Variants in PARD3B observed in about 807,000 individuals in gnomAD.
The protein encoded by PARD3B is partitioning defective 3 homolog B.
In PARD3B, 103 loss-of-function variants were observed where a neutral mutation model predicts 130.2. The ratio of observed to expected loss-of-function variants is 0.79; its 90% CI spans 0.67 to 0.93. PARD3B has a LOEUF of 0.93. PARD3B is among the 40% of genes least tolerant of loss of function. The probability of loss-of-function intolerance (pLI) is 0.00; values close to 1 mark genes in which losing one functional copy is unlikely to be tolerated. For missense variants in PARD3B, 1,609 were observed against 1,499.2 expected (o/e 1.07, Z -1.21); for synonymous variants, 583 against 553.2 (o/e 1.05, Z -0.76).
At chr2:204,707,512 T>C (rs989505073) in intron 2 of PARD3B, among the ~76,000 whole-genome samples, 8 of 152,212 alleles carry the variant, frequency 5.3e-5, no homozygotes, top group Admixed American at 1.3e-4. Context: ...GCAGTGTGCC[T>C]AGATATATCT....
intron 2 of PARD3B, among the ~76,000 whole-genome samples, chr2:204,697,210 C>T (rs893557792): frequency 5.3e-5 from 8 of 152,026 alleles, no homozygotes; most frequent in Admixed American, 4.6e-4. Flanking sequence ...GGTAAAATGA[C>T]GTGTTCTAAA....
chr2:205,062,890 G>C (rs1700142297), intron 4 of PARD3B, among the ~76,000 whole-genome samples: 1 of 152,044 alleles, frequency 6.6e-6, no homozygotes, highest in African/African-American at 2.4e-5. Context: ...AGGTCTCTGA[G>C]AGTATTATGA....
intron 4 of PARD3B, among the ~76,000 whole-genome samples, chr2:205,084,358 A>G (rs1701616504): frequency 6.6e-6 from 1 of 151,968 alleles, no homozygotes. Flanking sequence ...GCTTGATTGG[A>G]TTCAGGATAA....
Position 204,588,670 on chromosome 2 carries a change from C to T in PARD3B, c.120+42551C>T, listed in dbSNP as rs532975106. Among the ~76,000 whole-genome samples the T allele has an allele frequency of 1.3e-3, 192 of 152,288 alleles. 2 individuals are homozygous for T. Among genetic ancestry groups the T allele is most frequent in the African/African-American group, 4.0e-3 (165 of 41,576 alleles). ...TTCTTTTAATGTTTGGAATACTGCA[C>T]TTAATGGAGATTCCCATGTTTACTT... On this transcript the variant is annotated intron_variant, in intron 1 of 22. Coordinates refer to ENST00000406610, the MANE Select transcript of PARD3B (RefSeq NM_001302769.2).
chr2:205,353,077 A>G (rs774854355), intron 18 of PARD3B, among the ~76,000 whole-genome samples: 2 of 152,212 alleles, frequency 1.3e-5, no homozygotes, highest in Admixed American at 1.3e-4. Flanking sequence ...GAATTTATCT[A>G]CAGATGTCTT....
At chr2:205,517,293 G>A (rs2050831405) in intron 21 of PARD3B, among the ~76,000 whole-genome samples, 1 of 151,740 alleles carries the variant, frequency 6.6e-6, no homozygotes, top group African/African-American at 2.4e-5. Context: ...GAGGTGGGGA[G>A]GAGTTTCTCT....
chr2:205,532,560 T>C lies in PARD3B; in HGVS notation c.3181-20764T>C, dbSNP rs966071102. Reference sequence around the variant, plus strand: ...CCACACCTTACATAGGGCAGTTGTCTAAATTAATAGTGCAACATTTGGCTA... The same window carrying C: ...CCACACCTTACATAGGGCAGTTGTCCAAATTAATAGTGCAACATTTGGCTA... On this transcript the variant is annotated intron_variant, in intron 21 of 22. Coordinates refer to ENST00000406610, the MANE Select transcript of PARD3B (RefSeq NM_001302769.2). Among the ~76,000 whole-genome samples the C allele has an allele frequency of 3.3e-5, 5 of 152,214 alleles. No individual in the cohort carries two copies. In the East Asian group the frequency reaches 9.6e-4, roughly 29 times the overall value.
At chr2:204,627,985 G>A (rs1031147254) in intron 1 of PARD3B, among the ~76,000 whole-genome samples, 1 of 143,386 alleles carries the variant, frequency 7.0e-6, no homozygotes, top group African/African-American at 2.6e-5. Context: ...GTTTTTTTGC[G>A]TTTTTTTTTT....
chr2:204,809,854 T>C (rs1345784550), intron 2 of PARD3B, among the ~76,000 whole-genome samples: 2 of 152,160 alleles, frequency 1.3e-5, no homozygotes, highest in African/African-American at 2.4e-5. Context: ...TTTAATGATA[T>C]TGATTCTTTC....
chr2:205,257,328 AG>A (rs1342305042), intron 16 of PARD3B, among the ~76,000 whole-genome samples: 2 of 141,518 alleles, frequency 1.4e-5, no homozygotes, highest in Admixed American at 6.9e-5. Context: ...TTAGCCAATC[AG>A]TTTTTTTTTT....
chr2:204,608,617 G>T (rs1311301817), intron 1 of PARD3B, among the ~76,000 whole-genome samples: 1 of 152,170 alleles, frequency 6.6e-6, no homozygotes, highest in Non-Finnish European at 1.5e-5. Flanking sequence ...GGTTGGCTCA[G>T]TAGATTTTTG....
chr2:204,651,981 A>G (rs2035494218), intron 1 of PARD3B, among the ~76,000 whole-genome samples: 1 of 152,212 alleles, frequency 6.6e-6, no homozygotes, highest in South Asian at 2.1e-4. Context: ...GTCCCAAGGC[A>G]GCACAGAACA....
At chr2:204,686,119 T>A in intron 1 of PARD3B, 62 bp from the exon 2 acceptor site, 1 of 1,167,906 alleles carries the variant, frequency 8.6e-7, no homozygotes, top group Non-Finnish European at 1.3e-6. Context: ...CTCTTAACAT[T>A]AAAATGTGTT....
In PARD3B at chr2:204,606,915, G is replaced by A. The variant is rs1353272838; in HGVS notation, c.120+60796G>A. On this transcript the variant is annotated intron_variant, in intron 1 of 22. Transcript: ENST00000406610. The surrounding 1 kb of genome is among the most constrained non-coding windows in gnomAD (Gnocchi z 4.0). Reference sequence around the variant, plus strand: ...AAATATTAAAGCCTTGAACAATCCCGTATCTTTTTCATATATTTACCTTTA... The same window carrying A: ...AAATATTAAAGCCTTGAACAATCCCATATCTTTTTCATATATTTACCTTTA... Among the ~76,000 whole-genome samples the A allele has an allele frequency of 2.0e-5, 3 of 152,030 alleles. No individual in the cohort carries two copies. The highest frequency in any genetic ancestry group is 4.8e-5 in the African/African-American group (2 of 41,400).
intron 22 of PARD3B, among the ~76,000 whole-genome samples, chr2:205,594,708 G>A (rs1212653364): frequency 1.3e-5 from 2 of 152,158 alleles, no homozygotes; most frequent in African/African-American, 2.4e-5. Flanking sequence ...TCAGCAACTG[G>A]CTGAAAATTT....
At chr2:204,583,504 T>C (rs1400728091) in intron 1 of PARD3B, among the ~76,000 whole-genome samples, 7 of 110,936 alleles carry the variant, frequency 6.3e-5, no homozygotes, top group African/African-American at 2.0e-4. Flanking sequence ...AGGGGTAGCA[T>C]TGGGAGATAT....
chr2:204,910,954 ATCT>A (rs1284517755), intron 2 of PARD3B, among the ~76,000 whole-genome samples: 1 of 152,138 alleles, frequency 6.6e-6, no homozygotes, highest in African/African-American at 2.4e-5. Context: ...GATTAATATA[ATCT>A]TCTTCCCCTT....
chr2:204,692,518 G>A (rs1030278859), intron 2 of PARD3B, among the ~76,000 whole-genome samples: 3 of 150,870 alleles, frequency 2.0e-5, no homozygotes, highest in Middle Eastern at 3.4e-3. Context: ...TTTTTTAAAG[G>A]TCCTGATTTA....
At chr2:204,653,485 C>T (rs1347948076) in intron 1 of PARD3B, among the ~76,000 whole-genome samples, 1 of 150,598 alleles carries the variant, frequency 6.6e-6, no homozygotes, top group Admixed American at 6.6e-5. Context: ...AGCTTTAGGT[C>T]AGTCTTAAAA....
Sources: gnomAD v4.1 joint callset for allele counts (sites outside exome capture counted in the v4.1 genomes callset) on GRCh38, gnomAD v4.1.1 for gene constraint, Gnocchi (gnomAD v3.1) non-coding constraint, MANE v1.5 for transcripts, NCBI Gene and HGNC (gene_info 2026-07-23, HGNC 2026-07-21) for gene names.